The following UPK1A variants were observed in gnomAD, a reference collection of about 807,000 sequenced individuals.
UPK1A encodes uroplakin-1a.
UPK1A carries 31 observed loss-of-function variants against 32.3 expected under a neutral mutation model. The ratio of observed to expected loss-of-function variants is 0.96; its 90% confidence interval spans 0.72 to 1.30. The LOEUF is 1.30. Ranked by LOEUF, UPK1A falls within the 50% of genes most tolerant of loss-of-function variation. The pLI is 0.00. For synonymous variants in UPK1A, 135 were observed against 137.1 expected, an observed-to-expected ratio of 0.98 and a Z score of 0.11; for missense variants, 340 against 357.4, an observed-to-expected ratio of 0.95 and a Z score of 0.39.
intron 4 of UPK1A, 35 bp from the exon 5 acceptor site, chr19:35,673,403 C>G: frequency 6.2e-7 from 1 of 1,611,658 alleles, no homozygotes; most frequent in South Asian, 1.1e-5. Context: ...CCCCACCCAG[C>G]CCTGCCGGCC....
At chr19:35,676,175 C>G in intron 6 of UPK1A, 156 bp downstream of exon 6, 2 of 693,400 alleles carry the variant, frequency 2.9e-6, no homozygotes, top group Non-Finnish European at 4.3e-6. Flanking sequence ...TTTTCTTTTT[C>G]TTTCTTTCTT....
chr19:35,675,847 G>A (rs753148691), exon 6 of UPK1A: 8 of 1,610,664 alleles, frequency 5.0e-6, no homozygotes, highest in East Asian at 2.2e-5. Flanking sequence ...TAGCAAGAAT[G>A]CTGTGGCACA....
chr19:35,675,768 G>A (rs759924614), intron 5 of UPK1A, 72 bp from the exon 6 acceptor site: 1 of 1,517,494 alleles, frequency 6.6e-7, no homozygotes, highest in Non-Finnish European at 8.9e-7. Flanking sequence ...GCCCCTCCTT[G>A]CTGTGTGACC....
At position 35,667,426 on chromosome 19, in the gene UPK1A, G is replaced by A. The variant is rs188623998; in HGVS notation, c.84+530G>A. 5.9e-3 allele frequency among the ~76,000 whole-genome samples: 895 copies of A among 151,900 alleles called. 6 individuals carry two copies. The highest frequency in any genetic ancestry group is 0.02 in the African/African-American group (836 of 41,424). On this transcript the variant is annotated intron_variant, in intron 2 of 7. Transcript: ENST00000617999. ...CAGCTAACTGCAACCTCTAACTCCC[G>A]GGCTCAAGTGATTCTCCTGCCTCAG...
At chr19:35,676,720 G>A (rs916712655) in intron 6 of UPK1A, among the ~76,000 whole-genome samples, 6 of 151,432 alleles carry the variant, frequency 4.0e-5, no homozygotes, top group African/African-American at 1.5e-4. Flanking sequence ...CCAACATGGC[G>A]AAACCCCATC....
rs555309153 is a variant in UPK1A, at chr19:35,670,049, C to T, written c.285+1395C>T. 1.6e-3 allele frequency among the ~76,000 whole-genome samples: 250 copies of T among 152,182 alleles called. 1 individual carries two copies. Among genetic ancestry groups the T allele is most frequent in the Non-Finnish European group, 3.2e-3 (221 of 68,014 alleles). On this transcript the variant is annotated intron_variant, in intron 3 of 7. Coordinates refer to ENST00000617999, the Ensembl canonical transcript of UPK1A. ...GTGAACAGGAGGGGAGGTCAGGAGC[C>T]GAGGAGGGCGAGGGAAGACCTCACT...
chr19:35,671,142 A>C (rs1388484499), intron 3 of UPK1A, among the ~76,000 whole-genome samples: 1 of 151,944 alleles, frequency 6.6e-6, no homozygotes, highest in Non-Finnish European at 1.5e-5. Context: ...TAATCCCAGC[A>C]GTTTGGGAGG....
In UPK1A at chr19:35,673,437, G is replaced by T. The variant is rs1599631721; in HGVS notation, c.361-1G>T. ...CCCTTGTTCTTCCCTGTTCTCCTCA[G>T]ATGGTGTCCAACCCATCCCTGATCA... On this transcript the variant is annotated splice_acceptor_variant, in intron 4 of 7. Transcript: ENST00000617999. LOFTEE classifies it high-confidence loss of function. 2 of 1,613,742 alleles carry T rather than the reference G, an allele frequency of 1.2e-6. No individual in the cohort carries two copies. The highest frequency in any genetic ancestry group is 4.5e-5 in the East Asian group (2 of 44,868).
At chr19:35,669,053 A>G (rs923320015) in intron 3 of UPK1A, among the ~76,000 whole-genome samples, 2 of 151,926 alleles carry the variant, frequency 1.3e-5, no homozygotes, top group Non-Finnish European at 2.9e-5. Flanking sequence ...CTCTGCCAAT[A>G]ATAGCACAGC....
At chr19:35,668,226 C>T in intron 2 of UPK1A, 1 of 599,714 alleles carries the variant, frequency 1.7e-6, no homozygotes. Context: ...CCCTTTTATC[C>T]CCGAAGAAAC....
At position 35,666,971 on chromosome 19, in the gene UPK1A, G is replaced by A. The variant is rs935185177; in HGVS notation, c.84+75G>A. On this transcript the variant is annotated intron_variant, in intron 2 of 7. Transcript: ENST00000617999. ...GGACAGTCCTGAGCTCGGGGTGGGG[G>A]ATGAGGGTCCAGAACTGTCTCTCGG... 2.7e-6 allele frequency: 4 copies of A among 1,484,118 alleles called. No homozygotes were observed. In the Admixed American group the frequency reaches 5.1e-5, roughly 19 times the overall value. The allele number at this position is 1,484,118 out of a possible 1,614,324, so 91.9% of individuals were successfully genotyped here. A position where few individuals can be genotyped will look rare whatever the true frequency, so the allele number is the denominator to read the frequency against.
intron 2 of UPK1A, 40 bp from the exon 3 acceptor site, chr19:35,668,414 T>C: frequency 6.2e-7 from 1 of 1,612,450 alleles, no homozygotes; most frequent in Non-Finnish European, 8.5e-7. Flanking sequence ...CCAGGGCTGC[T>C]GGCCCCGAGC....
chr19:35,670,700 CCCTTCCTT>C (rs780171547), intron 3 of UPK1A, among the ~76,000 whole-genome samples: 1 of 100,122 alleles, frequency 1.0e-5, no homozygotes, highest in Non-Finnish European at 2.1e-5. Flanking sequence ...CTCCCTCCCT[CCCTTCCTT>C]CCTTCCTTCC....
chr19:35,673,596 G>A lies in UPK1A; in HGVS notation c.468+51G>A, dbSNP rs762845038. On this transcript the variant is annotated intron_variant, in intron 5 of 7. Coordinates refer to ENST00000617999, the Ensembl canonical transcript of UPK1A. ...GAGGGCCCTGGGCTCCGTCCACAGA[G>A]GCCGATAGAGCTCCCGATGTGCCAG... is the stretch of plus-strand genomic sequence containing the variant. 1.6e-5 allele frequency: 24 copies of A among 1,531,628 alleles called. No homozygotes were observed. The South Asian group carries it at 2.5e-4, about 16-fold the overall frequency. 94.9% of individuals were successfully genotyped at this position (1,531,628 alleles called of 1,614,324 possible). A position where few individuals can be genotyped will look rare whatever the true frequency, so the allele number is the denominator to read the frequency against.
chr19:35,668,397 C>T lies in UPK1A; in HGVS notation c.85-57C>T, dbSNP rs1332126352. 13 of 1,604,698 alleles carry T rather than the reference C, an allele frequency of 8.1e-6. No homozygotes were observed. In the African/African-American group the frequency reaches 1.3e-4, roughly 17 times the overall value. On this transcript the variant is annotated intron_variant, in intron 2 of 7. Transcript: ENST00000617999. The stretch of plus-strand genomic sequence containing the variant: ...GGGAGGGAACTTGCTCGTGGAGATG[C>T]CTGGTGCCAGGGCTGCTGGCCCCGA...
At chr19:35,669,094 C>A (rs925243031) in intron 3 of UPK1A, among the ~76,000 whole-genome samples, 2 of 152,072 alleles carry the variant, frequency 1.3e-5, no homozygotes, top group African/African-American at 2.4e-5. Flanking sequence ...CTACAAGCCA[C>A]GAGCTGTTCT....
At chr19:35,668,651 C>T (rs1294245443) in exon 3 of UPK1A, 1 of 1,612,022 alleles carries the variant, frequency 6.2e-7, no homozygotes, top group South Asian at 1.1e-5. Context: ...CCATGGTCCT[C>T]ACGGTGAGAC....
At chr19:35,677,996 A>G in exon 8 of UPK1A, 2 of 1,603,270 alleles carry the variant, frequency 1.2e-6, no homozygotes, top group Non-Finnish European at 1.7e-6. Context: ...GCTGATAGCC[A>G]TGTATTTCTA....
chr19:35,668,428 C>G, intron 2 of UPK1A, 26 bp from the exon 3 acceptor site: 1 of 1,613,694 alleles, frequency 6.2e-7, no homozygotes. Context: ...CCCGAGCAGA[C>G]CTTCCTAACC....
Sources: allele counts gnomAD v4.1 joint callset (sites outside exome capture counted in the v4.1 genomes callset), GRCh38; gene constraint gnomAD v4.1.1; transcripts MANE v1.5; gene names NCBI Gene and HGNC (gene_info 2026-07-23, HGNC 2026-07-21).